The following NCALD variants were observed in gnomAD, a reference collection of about 807,000 sequenced individuals.
NCALD encodes the protein neurocalcin-delta.
A neutral mutation model predicts 18.6 loss-of-function variants in NCALD; 10 were observed. The ratio of observed to expected loss-of-function variants is 0.54; its 90% CI spans 0.33 to 0.91. NCALD has a LOEUF of 0.91. NCALD is among the 40% of genes least tolerant of loss of function. The pLI is 0.03. For synonymous variants in NCALD, 88 were observed against 87.4 expected (o/e 1.01, Z -0.04); for missense variants, 184 against 247.6 (o/e 0.74, Z 1.72).
intron 2 of NCALD, among the ~76,000 whole-genome samples, chr8:101,975,536 A>T (rs943954945): frequency 3.3e-5 from 5 of 152,142 alleles, no homozygotes; most frequent in African/African-American, 9.7e-5. Context: ...AGGCACCAAA[A>T]ATAACCCTTG....
intron 3 of NCALD, among the ~76,000 whole-genome samples, chr8:101,903,442 A>G (rs1262181434): frequency 6.6e-6 from 1 of 151,984 alleles, no homozygotes; most frequent in Non-Finnish European, 1.5e-5. Flanking sequence ...TGATCCGCCC[A>G]CCTCAGCCTC....
intron 1 of NCALD, among the ~76,000 whole-genome samples, chr8:101,727,881 G>T (rs1816643083): frequency 6.6e-6 from 1 of 152,146 alleles, no homozygotes; most frequent in Non-Finnish European, 1.5e-5. Flanking sequence ...CTTTGATCCT[G>T]CATTTCCTTA....
intron 2 of NCALD, among the ~76,000 whole-genome samples, chr8:102,014,338 T>C (rs191791150): frequency 6.6e-6 from 1 of 152,278 alleles, no homozygotes; most frequent in African/African-American, 2.4e-5. Flanking sequence ...AGGTTTCTTT[T>C]ATTAGGGCAT....
chr8:102,092,711 G>A (rs969034737), intron 1 of NCALD, among the ~76,000 whole-genome samples: 2 of 152,078 alleles, frequency 1.3e-5, no homozygotes, highest in African/African-American at 4.8e-5. Context: ...GGAATTACTA[G>A]AATGCTATTT....
At chr8:101,880,272 G>GCGCTGGC (rs1163990836) in intron 4 of NCALD, among the ~76,000 whole-genome samples, 1 of 152,156 alleles carries the variant, frequency 6.6e-6, no homozygotes, top group East Asian at 1.9e-4. Flanking sequence ...GGGGCCAGCA[G>GCGCTGGC]CACTGGCCAG....
intron 4 of NCALD, among the ~76,000 whole-genome samples, chr8:101,805,310 C>G (rs1216432974): frequency 6.6e-6 from 1 of 152,132 alleles, no homozygotes; most frequent in Non-Finnish European, 1.5e-5. Flanking sequence ...TTCCCATTAG[C>G]TCTCAGTCAA....
intron 2 of NCALD, among the ~76,000 whole-genome samples, chr8:101,943,979 CAA>C (rs34356914): frequency 6.6e-6 from 1 of 150,468 alleles, no homozygotes. Flanking sequence ...AACAAACAAA[CAA>C]AAAAAAACAG....
chr8:101,864,013 C>T (rs1672213424), intron 4 of NCALD, among the ~76,000 whole-genome samples: 2 of 152,190 alleles, frequency 1.3e-5, no homozygotes, highest in Admixed American at 6.5e-5. Context: ...GTGATTCTAA[C>T]ATGCAACAGA....
In NCALD at chr8:101,689,327, G is replaced by A. The variant is rs1306649519; in HGVS notation, c.564C>T (p.Ser188=). ...GCAGGGCTCAGAACTGGCCGGCACT[G>A]CTCGGGTCGCACTGCAGGAGGCGCA... The part of the protein sequence containing the change: ...SIVRLLQCDP[S]SAGQF Residue 188 remains serine, a synonymous_variant, in exon 4 of 4, where the codon AGC becomes AGT. Transcript: ENST00000220931. This position sits in a 1 kb window ranked among gnomAD's most constrained non-coding sequence, Gnocchi z 4.4. 7.4e-6 allele frequency: 12 copies of A among 1,613,838 alleles called. No homozygotes were observed. The highest frequency in any genetic ancestry group is 1.0e-5 in the Non-Finnish European group (12 of 1,179,906).
At chr8:101,723,029 C>A (rs1816428169) in intron 1 of NCALD, among the ~76,000 whole-genome samples, 1 of 152,112 alleles carries the variant, frequency 6.6e-6, no homozygotes, top group Admixed American at 6.5e-5. Context: ...AGAGGGAAGC[C>A]TGACAATACC....
intron 1 of NCALD, among the ~76,000 whole-genome samples, chr8:101,749,225 C>T (rs1488078174): frequency 1.3e-5 from 2 of 152,148 alleles, no homozygotes; most frequent in African/African-American, 4.8e-5. Flanking sequence ...TCTTTTAAAA[C>T]AATTTTGCTA....
intron 4 of NCALD, among the ~76,000 whole-genome samples, chr8:101,804,310 C>A (rs1364892853): frequency 8.4e-6 from 1 of 118,688 alleles, no homozygotes; most frequent in Non-Finnish European, 1.7e-5. Context: ...ATAATTATAT[C>A]AATTATATAT....
At chr8:101,752,233 A>G (rs1416983123) in intron 1 of NCALD, among the ~76,000 whole-genome samples, 1 of 152,208 alleles carries the variant, frequency 6.6e-6, no homozygotes, top group Non-Finnish European at 1.5e-5. Context: ...AATAGAAAGC[A>G]TAACTTACAT....
chr8:101,744,687 G>A (rs1475010192), intron 1 of NCALD, among the ~76,000 whole-genome samples: 1 of 152,120 alleles, frequency 6.6e-6, no homozygotes, highest in East Asian at 1.9e-4. Flanking sequence ...ACGTGTCCCT[G>A]CCATGGGAGC....
At chr8:101,764,361 C>T (rs769843116) in intron 1 of NCALD, among the ~76,000 whole-genome samples, 1 of 152,190 alleles carries the variant, frequency 6.6e-6, no homozygotes, top group Non-Finnish European at 1.5e-5. Context: ...GGGAGTATCA[C>T]AGCAAGGAGG....
At chr8:101,703,749 T>A (rs1815381876) in intron 2 of NCALD, among the ~76,000 whole-genome samples, 1 of 152,092 alleles carries the variant, frequency 6.6e-6, no homozygotes, top group African/African-American at 2.4e-5. Flanking sequence ...GACACTAAAG[T>A]GGCTAGTGAT....
At chr8:101,969,308 G>A (rs1401953971) in intron 2 of NCALD, among the ~76,000 whole-genome samples, 1 of 152,160 alleles carries the variant, frequency 6.6e-6, no homozygotes, top group Non-Finnish European at 1.5e-5. Context: ...GTATTAGCTG[G>A]TGAATTCACT....
At position 101,852,887 on chromosome 8, in the gene NCALD, T is replaced by G. The variant is rs144775342; in HGVS notation, c.-20+34254A>C. Among the ~76,000 whole-genome samples, 405 of 152,318 alleles carry G rather than the reference T, an allele frequency of 2.7e-3. 2 individuals are homozygous for G. Among genetic ancestry groups the G allele is most frequent in the African/African-American group, 9.2e-3 (384 of 41,568 alleles). ...AAAGAAGTCAGGAAATGCAGATTTC[T>G]ATGTAAATTTTTAAAACTTCTGAAC... On this transcript the variant is annotated intron_variant, in intron 4 of 6. Coordinates refer to the NCALD transcript ENST00000311028.
Position 101,688,481 on chromosome 8 carries a change from G to C in NCALD, c.*828C>G, listed in dbSNP as rs1814560949. On this transcript the variant is annotated 3_prime_UTR_variant, in exon 4 of 4. Coordinates refer to ENST00000220931, the MANE Select transcript of NCALD (RefSeq NM_032041.3). Reference sequence around the variant, plus strand: ...ATAAGCTACTAAAAACAGTCTTCTGGAATAAGATTGTATTAGTGCTCACTA... The same window carrying C: ...ATAAGCTACTAAAAACAGTCTTCTGCAATAAGATTGTATTAGTGCTCACTA... 2 of 318,178 alleles carry C rather than the reference G, an allele frequency of 6.3e-6. No individual in the cohort carries two copies. The highest frequency in any genetic ancestry group is 1.2e-5 in the Non-Finnish European group (2 of 160,108). 19.7% of individuals were successfully genotyped at this position (318,178 alleles called of 1,614,324 possible).
Sources: allele counts gnomAD v4.1 joint callset (sites outside exome capture counted in the v4.1 genomes callset), GRCh38; gene constraint gnomAD v4.1.1; non-coding constraint Gnocchi (gnomAD v3.1); transcripts MANE v1.5; gene names NCBI Gene and HGNC (gene_info 2026-07-23, HGNC 2026-07-21).